Variants in CACNA1C observed in about 807,000 individuals in gnomAD.
The protein encoded by CACNA1C is calcium voltage-gated channel subunit alpha1 C, also known as voltage-dependent L-type calcium channel subunit alpha-1C.
Under a neutral mutation model 229.0 loss-of-function variants are expected in CACNA1C, and 30 were observed. The ratio of observed to expected loss-of-function variants is 0.13; its 90% CI spans 0.10 to 0.18. CACNA1C has a LOEUF of 0.18. Ranked by LOEUF, CACNA1C falls within the 10% of genes least tolerant of loss-of-function variation. CACNA1C has a pLI of 1.00. For synonymous variants in CACNA1C, 1,114 were observed against 1,132.5 expected, an observed-to-expected ratio of 0.98 and a Z score of 0.33; for missense variants, 1,658 against 2,845.0, an observed-to-expected ratio of 0.58 and a Z score of 9.49.
intron 3 of CACNA1C, among the ~76,000 whole-genome samples, chr12:2,317,741 A>G (rs1486373299): frequency 1.1e-4 from 17 of 152,260 alleles, no homozygotes; most frequent in Admixed American, 1.0e-3. Flanking sequence ...AACAGAAGAA[A>G]TCCCTCCAAG....
rs927586416 is a variant in CACNA1C, at chr12:2,482,434, G to A, written c.758-3670G>A. Among the ~76,000 whole-genome samples, 10 of 152,208 alleles carry A rather than the reference G, an allele frequency of 6.6e-5. No individual in the cohort carries two copies. The South Asian group carries it at 8.3e-4, about 13-fold the overall frequency. ...CTGTGCCACCACTTCCCAGCTGTGC[G>A]ACCCTGGGTAGATCACTCCACTGCT... On this transcript the variant is annotated intron_variant, in intron 5 of 46. Coordinates refer to ENST00000399655, the MANE Select transcript of CACNA1C (RefSeq NM_000719.7).
intron 9 of CACNA1C, among the ~76,000 whole-genome samples, chr12:2,542,315 G>A (rs997751038): frequency 1.3e-5 from 2 of 152,192 alleles, no homozygotes; most frequent in South Asian, 2.1e-4. Context: ...GTGTTCACAC[G>A]CTGACACAGC....
At chr12:2,558,344 G>A (rs141008009) in intron 11 of CACNA1C, among the ~76,000 whole-genome samples, 4 of 140,822 alleles carry the variant, frequency 2.8e-5, no homozygotes, top group Non-Finnish European at 6.3e-5. Flanking sequence ...ATCCACTGCT[G>A]GAGTCCATGC....
At chr12:2,227,921 A>G (rs1378222550) in intron 3 of CACNA1C, among the ~76,000 whole-genome samples, 1 of 152,224 alleles carries the variant, frequency 6.6e-6, no homozygotes, top group Non-Finnish European at 1.5e-5. Context: ...CTGACTTTAA[A>G]TTCCCTGAAC....
intron 42 of CACNA1C, chr12:2,680,418 C>T (rs765888608): frequency 1.6e-5 from 25 of 1,560,818 alleles, no homozygotes; most frequent in Admixed American, 7.6e-5. Flanking sequence ...CCTGGGCCCC[C>T]GCAGGGCTCC....
chr12:2,224,738 A>G (rs1361302170), intron 3 of CACNA1C, among the ~76,000 whole-genome samples: 1 of 152,170 alleles, frequency 6.6e-6, no homozygotes, highest in Non-Finnish European at 1.5e-5. Flanking sequence ...TGTTGGAGAT[A>G]ATTACATCAT....
intron 31 of CACNA1C, among the ~76,000 whole-genome samples, chr12:2,650,432 AC>A (rs2094829398): frequency 6.6e-6 from 1 of 152,174 alleles, no homozygotes; most frequent in African/African-American, 2.4e-5. Flanking sequence ...GGCCCTAGTA[AC>A]AACCTGAGCC....
intron 3 of CACNA1C, among the ~76,000 whole-genome samples, chr12:2,316,628 A>G (rs2095705213): frequency 6.6e-6 from 1 of 152,234 alleles, no homozygotes; most frequent in Non-Finnish European, 1.5e-5. Flanking sequence ...GTATATGGTC[A>G]CTGAGTTTCA....
chr12:2,100,607 A>AAT (rs2076012122), intron 1 of CACNA1C, among the ~76,000 whole-genome samples: 1 of 147,006 alleles, frequency 6.8e-6, no homozygotes, highest in Non-Finnish European at 1.5e-5. Context: ...AAAAAAAAAA[A>AAT]TTAGCTGGGC....
At chr12:2,356,416 G>A (rs1322589454) in intron 3 of CACNA1C, among the ~76,000 whole-genome samples, 1 of 152,246 alleles carries the variant, frequency 6.6e-6, no homozygotes, top group African/African-American at 2.4e-5. Context: ...AGGCAGTGTG[G>A]TATGGAGCTG....
chr12:2,450,334 C>G (rs1034048685), intron 4 of CACNA1C, among the ~76,000 whole-genome samples: 2 of 151,986 alleles, frequency 1.3e-5, no homozygotes, highest in Non-Finnish European at 2.9e-5. Flanking sequence ...GCGGGCGGAT[C>G]ACGAGGTCAG....
At chr12:2,506,311 A>G (rs919104811) in intron 8 of CACNA1C, among the ~76,000 whole-genome samples, 4 of 152,214 alleles carry the variant, frequency 2.6e-5, no homozygotes, top group African/African-American at 9.6e-5. Context: ...GTGAATCTCT[A>G]AGGAAAAGAT....
intron 12 of CACNA1C, 46 bp from the exon 13 acceptor site, chr12:2,567,523 C>T (rs760368472): frequency 3.2e-6 from 4 of 1,231,172 alleles, no homozygotes; most frequent in Non-Finnish European, 4.6e-6. Flanking sequence ...CCCTCTCTGC[C>T]TCCTCTGGCC....
At chr12:2,038,679 AGGGTGCTAGTTTTGCC>A (rs1399269443) in intron 1 of CACNA1C, among the ~76,000 whole-genome samples, 1 of 152,220 alleles carries the variant, frequency 6.6e-6, no homozygotes, top group Non-Finnish European at 1.5e-5. Flanking sequence ...CATGCTTAAT[AGGGTGCTAGTTTTGCC>A]GGGCAGCTTT....
chr12:2,692,830 A>G lies in CACNA1C; in HGVS notation c.*1631A>G, dbSNP rs965651162. 6 of 152,766 alleles carry G rather than the reference A, an allele frequency of 3.9e-5. No homozygotes were observed. The highest frequency in any genetic ancestry group is 2.1e-4 in the South Asian group (1 of 4,824). 9.5% of individuals were successfully genotyped at this position (152,766 alleles called of 1,614,324 possible). A position where few individuals can be genotyped will look rare whatever the true frequency, so the allele number is the denominator to read the frequency against. On this transcript the variant is annotated 3_prime_UTR_variant, in exon 47 of 47. Transcript: ENST00000399655. ...AATATTTTTTTAAAACTGAATTGCA[A>G]TTGTGCCAAGCGAATATAATGAATT...
chr12:2,165,078 A>T (rs2096140542), intron 3 of CACNA1C, among the ~76,000 whole-genome samples: 2 of 152,226 alleles, frequency 1.3e-5, no homozygotes, highest in Admixed American at 1.3e-4. Flanking sequence ...AATTGTGCAC[A>T]TGATAGCATT....
rs781248839 is a variant in CACNA1C at position 2,108,487 on chromosome 12, G to A, written c.50-6737G>A. On this transcript the variant is annotated intron_variant, in intron 1 of 46. Transcript: ENST00000399655. The surrounding 1 kb of genome is among the most constrained non-coding windows in gnomAD (Gnocchi z 5.3). ...CAAAATAGATGCTTCCCCACCTGAC[G>A]TAGTTTTGATTCAGTTCTTGATTGG... 2.2e-4 allele frequency among the ~76,000 whole-genome samples: 33 copies of A among 152,318 alleles called. No homozygotes were observed. The highest frequency in any genetic ancestry group is 3.7e-4 in the Non-Finnish European group (25 of 68,026).
chr12:2,462,195 C>T (rs1365383449), intron 5 of CACNA1C, among the ~76,000 whole-genome samples: 10 of 151,632 alleles, frequency 6.6e-5, no homozygotes, highest in Non-Finnish European at 1.2e-4. Context: ...TCTGTCTGAA[C>T]GCCCTCGGCT....
intron 3 of CACNA1C, among the ~76,000 whole-genome samples, chr12:2,241,140 C>T (rs1288650383): frequency 2.6e-5 from 4 of 152,024 alleles, no homozygotes; most frequent in Admixed American, 6.6e-5. Flanking sequence ...TTCTGACTTG[C>T]GAGTGGTTCA....
Sources: gnomAD v4.1 joint callset for allele counts (sites outside exome capture counted in the v4.1 genomes callset) on GRCh38, gnomAD v4.1.1 for gene constraint, Gnocchi (gnomAD v3.1) non-coding constraint, MANE v1.5 for transcripts, NCBI Gene and HGNC (gene_info 2026-07-23, HGNC 2026-07-21) for gene names.